Variants in HSPA4L observed in about 807,000 individuals in gnomAD.
HSPA4L encodes heat shock protein family A (Hsp70) member 4 like.
In HSPA4L, 48 loss-of-function variants were observed where a neutral mutation model predicts 100.3. The observed-to-expected ratio is 0.48, with a 90% CI of 0.38 to 0.61. The LOEUF (loss-of-function observed/expected upper bound fraction) is 0.61. Among genes scored for constraint, HSPA4L ranks in the 20% least tolerant of loss-of-function variants. The pLI is 0.00. For synonymous variants in HSPA4L, 319 were observed against 328.2 expected (o/e 0.97, Z 0.30); for missense variants, 886 against 988.6 (o/e 0.90, Z 1.39).
chr4:127,786,198 A>T (rs908403818), intron 1 of HSPA4L, among the ~76,000 whole-genome samples: 2 of 152,242 alleles, frequency 1.3e-5, no homozygotes, highest in African/African-American at 4.8e-5. Context: ...TAAGAAGCCT[A>T]AAGCAAAGTT....
rs376261799 is a variant in HSPA4L at position 127,822,837 on chromosome 4, T to C, written c.1881T>C (p.Tyr627=). 3 of 1,613,612 alleles carry C rather than the reference T, an allele frequency of 1.9e-6. No homozygotes were observed. The highest frequency in any genetic ancestry group is 2.7e-5 in the African/African-American group (2 of 74,932). Residue 627 remains tyrosine (Y), a synonymous_variant, in exon 15 of 19, where the codon TAT becomes TAC. Coordinates refer to ENST00000296464, the MANE Select transcript of HSPA4L (RefSeq NM_014278.4). ...ATGCTAAGAATGCCGTTGAAGAATA[T>C]GTATATGATTTTAGAGACAGGCTGG... ...RNDAKNAVEE[Y]VYDFRDRLGT...
intron 1 of HSPA4L, among the ~76,000 whole-genome samples, chr4:127,792,111 C>G (rs539816115): frequency 5.3e-5 from 8 of 152,284 alleles, no homozygotes; most frequent in African/African-American, 1.9e-4. Flanking sequence ...TATTGCCTCT[C>G]CAGTTTGTAT....
At chr4:127,786,988 T>C (rs1357118593) in intron 1 of HSPA4L, among the ~76,000 whole-genome samples, 1 of 152,208 alleles carries the variant, frequency 6.6e-6, no homozygotes, top group Admixed American at 6.5e-5. Flanking sequence ...TAATAGGGAA[T>C]ATGGATTTTC....
At chr4:127,823,770 AT>A in intron 16 of HSPA4L, 146 bp downstream of exon 16, 1 of 586,314 alleles carries the variant, frequency 1.7e-6, no homozygotes. Context: ...ACATGTTTTG[AT>A]TATGCACACA....
At position 127,805,062 on chromosome 4, in the gene HSPA4L, A is replaced by G; in HGVS notation, c.986-11A>G. 1.9e-6 allele frequency: 3 copies of G among 1,566,270 alleles called. No homozygotes were observed. The highest frequency in any genetic ancestry group is 2.6e-6 in the Non-Finnish European group (3 of 1,157,044). On this transcript the variant is annotated splice_polypyrimidine_tract_variant and intron_variant, in intron 8 of 18. Coordinates refer to ENST00000296464, the MANE Select transcript of HSPA4L (RefSeq NM_014278.4). Reference sequence around the variant, plus strand: ...AGACTATCATTTTTCTCAATTAAAAAAATTTTCCAGACTTACAACGTGAAG... The same window carrying G: ...AGACTATCATTTTTCTCAATTAAAAGAATTTTCCAGACTTACAACGTGAAG...
rs536510047 is a variant in HSPA4L at position 127,827,910 on chromosome 4, A to G, written c.2166+486A>G. Among the ~76,000 whole-genome samples, 99 of 152,254 alleles carry G rather than the reference A, an allele frequency of 6.5e-4. 2 individuals are homozygous for G. Among genetic ancestry groups the G allele is most frequent in the Admixed American group, 2.1e-3 (32 of 15,306 alleles). ...TTCTTTTATGTACATATTCAAATCT[A>G]TATAACCTTAATCTTTCCACTGTCA... On this transcript the variant is annotated intron_variant, in intron 17 of 18. Coordinates refer to ENST00000296464, the MANE Select transcript of HSPA4L (RefSeq NM_014278.4).
chr4:127,784,228 CTGAG>C (rs1732649286), intron 1 of HSPA4L, among the ~76,000 whole-genome samples: 1 of 152,212 alleles, frequency 6.6e-6, no homozygotes, highest in Non-Finnish European at 1.5e-5. Context: ...AGAGAAAAAA[CTGAG>C]AGGTAGGGTG....
intron 1 of HSPA4L, among the ~76,000 whole-genome samples, chr4:127,793,379 A>G (rs761767944): frequency 4.6e-5 from 7 of 152,094 alleles, no homozygotes; most frequent in Non-Finnish European, 8.8e-5. Flanking sequence ...TGTGACTTGT[A>G]TACATGGAGT....
chr4:127,831,237 C>T (rs888518133), intron 18 of HSPA4L, among the ~76,000 whole-genome samples: 1 of 152,086 alleles, frequency 6.6e-6, no homozygotes, highest in Non-Finnish European at 1.5e-5. Flanking sequence ...TGGTGGCTCA[C>T]GTCTGTAATC....
chr4:127,823,002 A>G (rs1733853575), intron 15 of HSPA4L, 108 bp downstream of exon 15: 2 of 1,116,262 alleles, frequency 1.8e-6, no homozygotes, highest in Middle Eastern at 2.9e-4. Context: ...ATTGTTGCCA[A>G]TCTTGGGCCC....
Position 127,833,471 on chromosome 4 carries a change from T to A in HSPA4L, c.*597T>A, listed in dbSNP as rs1415448735. 1 of 152,276 alleles carries A rather than the reference T, an allele frequency of 6.6e-6. No homozygotes were observed. Among genetic ancestry groups the A allele is most frequent in the Non-Finnish European group, 1.5e-5 (1 of 68,024 alleles). The allele number at this position is 152,276 out of a possible 1,614,324, so 9.4% of individuals were successfully genotyped here. A position where few individuals can be genotyped will look rare whatever the true frequency, so the allele number is the denominator to read the frequency against. On this transcript the variant is annotated 3_prime_UTR_variant, in exon 19 of 19. Transcript: ENST00000296464. ...ATGTGAAAGGGAACACACCCAATTT[T>A]ATGTTAAGGTGAAACCAGCAGTTTG... is the stretch of plus-strand genomic sequence containing the variant.
In HSPA4L at chr4:127,817,588, A is replaced by G. The variant is rs186257891; in HGVS notation, c.1579-737A>G. Among the ~76,000 whole-genome samples the G allele has an allele frequency of 2.2e-4, 34 of 152,214 alleles. 1 individual carries two copies. In the East Asian group the frequency reaches 3.5e-3, roughly 16 times the overall value. ...TCATTTTGGAGATTTTATTGGTAGA[A>G]AGTTTGGTTTTTAGACATAAAAAAA... is the stretch of plus-strand genomic sequence containing the variant. On this transcript the variant is annotated intron_variant, in intron 12 of 18. Transcript: ENST00000296464.
At chr4:127,815,820 A>G (rs1560665504) in intron 12 of HSPA4L, among the ~76,000 whole-genome samples, 1 of 152,218 alleles carries the variant, frequency 6.6e-6, no homozygotes, top group South Asian at 2.1e-4. Flanking sequence ...ATGGGGATGC[A>G]TAGTGGGAAT....
chr4:127,787,496 C>CA (rs1410176329), intron 1 of HSPA4L, among the ~76,000 whole-genome samples: 2 of 152,084 alleles, frequency 1.3e-5, no homozygotes, highest in Non-Finnish European at 2.9e-5. Context: ...TCTAGCTATA[C>CA]AAGTATGTGA....
intron 2 of HSPA4L, 31 bp downstream of exon 2, chr4:127,794,165 C>T (rs757724708): frequency 1.9e-5 from 30 of 1,563,460 alleles, no homozygotes; most frequent in Non-Finnish European, 2.6e-5. Flanking sequence ...TTTTGACTTA[C>T]AGGAAGAATT....
chr4:127,796,058 T>C (rs1215456152), intron 3 of HSPA4L, 150 bp downstream of exon 3: 4 of 627,950 alleles, frequency 6.4e-6, no homozygotes, highest in Non-Finnish European at 1.0e-5. Flanking sequence ...TTTTAGTGAA[T>C]GCCAGGAGAT....
At chr4:127,790,501 C>G (rs1732843491) in intron 1 of HSPA4L, among the ~76,000 whole-genome samples, 1 of 152,152 alleles carries the variant, frequency 6.6e-6, no homozygotes, top group Non-Finnish European at 1.5e-5. Flanking sequence ...TCATCTAAGC[C>G]ACTGATTCCT....
Position 127,805,216 on chromosome 4 carries a change from G to A in HSPA4L, c.1129G>A (p.Ala377Thr). ...NADEAVARGC[A>T]LQCAILSPAF... ...TGATGAAGCTGTTGCAAGAGGATGT[G>A]CGTTACAGGTATAATTGTTATTTTA... Residue 377 changes from alanine to threonine, a missense_variant, in exon 9 of 19, where the codon GCG (alanine) becomes ACG (threonine). Physicochemically the swap from Ala to Thr is moderately conservative, Grantham distance 58. Coordinates refer to ENST00000296464, the MANE Select transcript of HSPA4L (RefSeq NM_014278.4). 6.2e-7 allele frequency: 1 copy of A among 1,605,536 alleles called. No homozygotes were observed. Among genetic ancestry groups the A allele is most frequent in the Admixed American group, 1.7e-5 (1 of 57,768 alleles).
Position 127,788,298 on chromosome 4 carries a change from A to G in HSPA4L, c.107+5641A>G, listed in dbSNP as rs80239391. ...TTGTTAAATGTTTAATTATTTGTCC[A>G]TAATGAAAAGCTGAAAGCTTTGTTA... On this transcript the variant is annotated intron_variant, in intron 1 of 18. Transcript: ENST00000296464. 1.1e-3 allele frequency among the ~76,000 whole-genome samples: 172 copies of G among 152,308 alleles called. 2 individuals carry two copies. In the East Asian group the frequency reaches 0.029, roughly 26 times the overall value.
Sources: allele counts gnomAD v4.1 joint callset (sites outside exome capture counted in the v4.1 genomes callset), GRCh38; gene constraint gnomAD v4.1.1; transcripts MANE v1.5; gene names NCBI Gene and HGNC (gene_info 2026-07-23, HGNC 2026-07-21).